The following MUC17 variants were observed in gnomAD, a reference collection of about 807,000 sequenced individuals.
MUC17 encodes mucin 17, cell surface associated.
Under a neutral mutation model 170.3 loss-of-function variants are expected in MUC17, and 190 were observed. That is an observed-to-expected ratio of 1.12 (90% confidence interval 0.99 to 1.26). MUC17 has a LOEUF of 1.26. MUC17 is among the 50% of genes most tolerant of loss of function. The pLI is 0.00. For missense variants in MUC17, 6,415 were observed against 5,530.0 expected (o/e 1.16, Z -5.08); for synonymous variants, 2,325 against 2,002.5 (o/e 1.16, Z -4.30).
chr7:101,025,339 G>A (rs1281543417), intron 1 of MUC17, among the ~76,000 whole-genome samples: 1 of 151,472 alleles, frequency 6.6e-6, no homozygotes, highest in Non-Finnish European at 1.5e-5. Context: ...ATCCAGCCTG[G>A]GTGACAGAGG....
At position 101,037,562 on chromosome 7, in the gene MUC17, T is replaced by C; in HGVS notation, c.6146T>C (p.Met2049Thr). The C allele has an allele frequency of 6.2e-7, 1 of 1,613,946 alleles. No homozygotes were observed. Among genetic ancestry groups the C allele is most frequent in the Non-Finnish European group, 8.5e-7 (1 of 1,179,904 alleles). ...GAACGGACCACTCCATTAGCAGGTA[T>C]GCCTGTCAGCACTACGCTTGTGGTC... is the stretch of plus-strand genomic sequence containing the variant. The part of the protein sequence containing the change: ...PSERTTPLAG[M>T]PVSTTLVVSS... Residue 2049 changes from methionine (M) to threonine (T), a missense_variant, in exon 3 of 13, where the codon ATG becomes ACG. Coordinates refer to ENST00000306151, the MANE Select transcript of MUC17 (RefSeq NM_001040105.2).
At position 101,039,639 on chromosome 7, in the gene MUC17, G is replaced by T. The variant is rs1584868400; in HGVS notation, c.8223G>T (p.Met2741Ile). The T allele has an allele frequency of 6.2e-7, 1 of 1,612,024 alleles. No individual in the cohort carries two copies. The highest frequency in any genetic ancestry group is 2.2e-5 in the East Asian group (1 of 44,752). Residue 2741 changes from methionine (M) to isoleucine (I), a missense_variant, in exon 3 of 13, where the codon ATG becomes ATT. Physicochemically the swap from Met to Ile is conservative, Grantham distance 10 (BLOSUM62 1). Coordinates refer to ENST00000306151, the MANE Select transcript of MUC17 (RefSeq NM_001040105.2). Reference sequence around the variant, plus strand: ...CTACAACTGCTGAAGGTACCAGCATGCGAATCTCAACTCCTAGTGATGGAA... The same window carrying T: ...CTACAACTGCTGAAGGTACCAGCATTCGAATCTCAACTCCTAGTGATGGAA... ...SSPTTAEGTSMRISTPSDGST... is the reference protein window; with the variant it reads ...SSPTTAEGTSIRISTPSDGST...
rs567771570 is a variant in MUC17, at chr7:101,033,266, C to A, written c.1850C>A (p.Thr617Asn). The A allele has an allele frequency of 3.7e-6, 6 of 1,612,298 alleles. No homozygotes were observed. The East Asian group carries it at 1.3e-4, about 36-fold the overall frequency. ...ASSSSTTAEG[T>N]SMPTSTYSER... ...TCATCTTCTACAACTGCTGAAGGTA[C>A]CAGCATGCCAACCTCAACTTACAGT... Residue 617 changes from threonine (T) to asparagine (N), a missense_variant, in exon 3 of 13, where the codon ACC becomes AAC. Transcript: ENST00000306151.
At position 101,050,615 on chromosome 7, in the gene MUC17, T is replaced by C. The variant is rs1240060553; in HGVS notation, c.12854T>C (p.Met4285Thr). Residue 4285 changes from methionine (M) to threonine (T), a missense_variant, in exon 7 of 13, where the codon ATG (methionine) becomes ACG (threonine). Physicochemically the swap from Met to Thr is moderately conservative, Grantham distance 81 (BLOSUM62 -1). Coordinates refer to ENST00000306151, the MANE Select transcript of MUC17 (RefSeq NM_001040105.2). ...ACAAAAGTGACCACACAGCAAATAA[T>C]GATTAATGATATTTGCTCAGGTGAA... ...KITKVTTQQI[M>T]INDICSDMMC... The C allele has an allele frequency of 6.2e-7, 1 of 1,613,870 alleles. No individual in the cohort carries two copies. The highest frequency in any genetic ancestry group is 1.1e-5 in the South Asian group (1 of 91,056).
Position 101,034,042 on chromosome 7 carries a change from C to T in MUC17, c.2626C>T (p.Leu876=). The change falls in exon 3 of 13, where the codon CTG becomes TTG. Residue 876 remains leucine, a synonymous_variant. Coordinates refer to ENST00000306151, the MANE Select transcript of MUC17 (RefSeq NM_001040105.2). ...AACAAGTATGCCTGTCAGCACCACA[C>T]TGGTGGCCACTTCTGCAATCAGCAC... ...PLTSMPVSTT[L]VATSAISTLS... is the part of the protein sequence containing the mutation. The T allele has an allele frequency of 6.2e-7, 1 of 1,601,350 alleles. No individual in the cohort carries two copies. The highest frequency in any genetic ancestry group is 8.5e-7 in the Non-Finnish European group (1 of 1,173,024).
intron 12 of MUC17, 63 bp from the exon 13 acceptor site, chr7:101,057,940 T>C: frequency 1.4e-6 from 2 of 1,437,362 alleles, no homozygotes; most frequent in South Asian, 2.3e-5. Flanking sequence ...ATCCTCCTTA[T>C]GCTTCCAGAA....
Position 101,037,755 on chromosome 7 carries a change from G to A in MUC17, c.6339G>A (p.Pro2113=), listed in dbSNP as rs151335011. ...CAAGTATACCTCTCAGCACCACGCCGGTGGCCAGTCCTGAGGCTAGCACCC... is the reference window on the plus strand; with the variant it reads ...CAAGTATACCTCTCAGCACCACGCCAGTGGCCAGTCCTGAGGCTAGCACCC... The part of the protein sequence containing the change: ...LLTSIPLSTT[P]VASPEASTLS... The change falls in exon 3 of 13, where the codon CCG becomes CCA. Residue 2113 remains proline, a synonymous_variant. Coordinates refer to ENST00000306151, the MANE Select transcript of MUC17 (RefSeq NM_001040105.2). 6.3e-4 allele frequency: 1,018 copies of A among 1,613,448 alleles called. 8 individuals are homozygous for A. In the African/African-American group the frequency reaches 0.011, roughly 18 times the overall value.
intron 1 of MUC17, among the ~76,000 whole-genome samples, chr7:101,021,469 T>A (rs1246081886): frequency 6.6e-6 from 1 of 152,086 alleles, no homozygotes; most frequent in Non-Finnish European, 1.5e-5. Flanking sequence ...ATTACAGGGG[T>A]GAGCCACCGC....
rs1795075710 is a variant in MUC17, at chr7:101,057,887, T to A, written c.13441-116T>A. Reference sequence around the variant, plus strand: ...AGAGTAAGACCCTGTCTCAAAAAAATAATAAAAAATAAAAATAATTAAACA... The same window carrying A: ...AGAGTAAGACCCTGTCTCAAAAAAAAAATAAAAAATAAAAATAATTAAACA... On this transcript the variant is annotated intron_variant, in intron 12 of 12. Transcript: ENST00000306151. 5.7e-6 allele frequency: 5 copies of A among 876,796 alleles called. No homozygotes were observed. In the Admixed American group the frequency reaches 1.4e-4, roughly 25 times the overall value. 54.3% of individuals were successfully genotyped at this position (876,796 alleles called of 1,614,324 possible). A position where few individuals can be genotyped will look rare whatever the true frequency, so the allele number is the denominator to read the frequency against.
Position 101,033,583 on chromosome 7 carries a change from A to G in MUC17, c.2167A>G (p.Thr723Ala), listed in dbSNP as rs1465734380. 3.7e-6 allele frequency: 6 copies of G among 1,613,694 alleles called. No individual in the cohort carries two copies. Among genetic ancestry groups the G allele is most frequent in the Middle Eastern group, 1.6e-4 (1 of 6,082 alleles). The change falls in exon 3 of 13, where the codon ACT becomes GCT. Residue 723 changes from threonine to alanine, a missense_variant. By Grantham distance (58) the Thr-to-Ala change is moderately conservative. Transcript: ENST00000306151. ...VDTSTPVTTSTEASSSPTTAD... is the reference protein window; with the variant it reads ...VDTSTPVTTSAEASSSPTTAD... ...CACCAGCACACCTGTGACCACTTCA[A>G]CTGAAGCCAGTTCCTCTCCTACAAC... is the stretch of plus-strand genomic sequence containing the variant.
rs766113880 is a variant in MUC17, at chr7:101,039,087, A to T, written c.7671A>T (p.Thr2557=). ...VTSTEISSSA[T]SAEGTSMPTS... The stretch of plus-strand genomic sequence containing the variant: ...CTACTGAAATCAGTTCATCTGCTAC[A>T]TCCGCTGAAGGTACCAGCATGCCTA... Residue 2557 remains threonine (T), a synonymous_variant, in exon 3 of 13, where the codon ACA becomes ACT. Transcript: ENST00000306151. 3 of 1,613,270 alleles carry T rather than the reference A, an allele frequency of 1.9e-6. No individual in the cohort carries two copies. The highest frequency in any genetic ancestry group is 1.7e-6 in the Non-Finnish European group (2 of 1,179,824).
chr7:101,042,429 A>T lies in MUC17; in HGVS notation c.11013A>T (p.Gln3671His). 10 of 1,614,008 alleles carry T rather than the reference A, an allele frequency of 6.2e-6. No individual in the cohort carries two copies. The highest frequency in any genetic ancestry group is 8.5e-6 in the Non-Finnish European group (10 of 1,179,966). Residue 3671 changes from glutamine to histidine, a missense_variant, in exon 3 of 13, where the codon CAA (glutamine) becomes CAT (histidine). By Grantham distance (24) the Gln-to-His change is conservative. Coordinates refer to ENST00000306151, the MANE Select transcript of MUC17 (RefSeq NM_001040105.2). Reference protein sequence around the residue: ...DTSTPVITSTQVSSSPVTPEG... With the variant: ...DTSTPVITSTHVSSSPVTPEG... ...GCACACCTGTGATCACTTCTACCCAAGTCAGTTCATCTCCTGTGACTCCTG... is the reference window on the plus strand; with the variant it reads ...GCACACCTGTGATCACTTCTACCCATGTCAGTTCATCTCCTGTGACTCCTG...
Position 101,040,660 on chromosome 7 carries a change from G to C in MUC17, c.9244G>C (p.Glu3082Gln). ...DSNSPVVTST[E>Q]VSSSPTPAEG... Reference sequence around the variant, plus strand: ...CAACAGTCCTGTGGTCACTTCTACTGAAGTCAGTTCATCTCCTACACCTGC... The same window carrying C: ...CAACAGTCCTGTGGTCACTTCTACTCAAGTCAGTTCATCTCCTACACCTGC... The change falls in exon 3 of 13, where the codon GAA becomes CAA. Residue 3082 changes from glutamate to glutamine, a missense_variant. By Grantham distance (29) the Glu-to-Gln change is conservative (BLOSUM62 2). Transcript: ENST00000306151. The C allele has an allele frequency of 1.9e-6, 3 of 1,612,852 alleles. No individual in the cohort carries two copies. Among genetic ancestry groups the C allele is most frequent in the Non-Finnish European group, 2.5e-6 (3 of 1,179,484 alleles).
At position 101,050,533 on chromosome 7, in the gene MUC17, A is replaced by G. The variant is rs916556977; in HGVS notation, c.12772A>G (p.Thr4258Ala). ...EHDVLLRTKY[T>A]PEYKTVLDNA... ...TGACGTCCTCCTAAGAACCAAGTAC[A>G]CACCAGAATACAAGACAGTATTGGA... The change falls in exon 7 of 13, where the codon ACA (threonine) becomes GCA (alanine). Residue 4258 changes from threonine (T) to alanine (A), a missense_variant. By Grantham distance (58) the Thr-to-Ala change is moderately conservative. Transcript: ENST00000306151. 1.2e-6 allele frequency: 2 copies of G among 1,614,114 alleles called. No individual in the cohort carries two copies. Among genetic ancestry groups the G allele is most frequent in the Non-Finnish European group, 1.7e-6 (2 of 1,179,986 alleles).
Position 101,036,940 on chromosome 7 carries a change from T to G in MUC17, c.5524T>G (p.Ser1842Ala), listed in dbSNP as rs1261522744. The G allele has an allele frequency of 6.2e-7, 1 of 1,613,008 alleles. No individual in the cohort carries two copies. Among genetic ancestry groups the G allele is most frequent in the Non-Finnish European group, 8.5e-7 (1 of 1,179,508 alleles). Residue 1842 changes from serine (S) to alanine (A), a missense_variant, in exon 3 of 13, where the codon TCT becomes GCT. Transcript: ENST00000306151. The part of the protein sequence containing the change: ...PVDSNSPVVT[S>A]TAVSSSPTPA... The stretch of plus-strand genomic sequence containing the variant: ...TGACTCTAACAGTCCTGTGGTCACT[T>G]CTACAGCAGTCAGTTCATCTCCTAC...
At position 101,036,890 on chromosome 7, in the gene MUC17, C is replaced by G. The variant is rs777627221; in HGVS notation, c.5474C>G (p.Ala1825Gly). 10 of 1,613,252 alleles carry G rather than the reference C, an allele frequency of 6.2e-6. No homozygotes were observed. In the Admixed American group the frequency reaches 1.5e-4, roughly 24 times the overall value. The change falls in exon 3 of 13, where the codon GCT becomes GGT. Residue 1825 changes from alanine (A) to glycine (G), a missense_variant. Physicochemically the swap from Ala to Gly is moderately conservative, Grantham distance 60. Transcript: ENST00000306151. ...VSHTLVANSEASTLSTTPVDS... is the reference protein window; with the variant it reads ...VSHTLVANSEGSTLSTTPVDS... ...CACACGCTGGTGGCCAATTCTGAGG[C>G]TAGCACCCTTTCAACAACTCCTGTT...
chr7:101,033,619 G>A lies in MUC17; in HGVS notation c.2203G>A (p.Ala735Thr), dbSNP rs71557221. The A allele has an allele frequency of 2.0e-4, 320 of 1,572,540 alleles. 1 individual carries two copies. In the African/African-American group the frequency reaches 4.1e-3, roughly 20 times the overall value. The change falls in exon 3 of 13, where the codon GCC becomes ACC. Residue 735 changes from alanine to threonine, a missense_variant. Ala to Thr is a moderately conservative substitution (Grantham distance 58). Transcript: ENST00000306151. ...TTCCTCTCCTACAACTGCTGATGGTGCCAGTATGCCAACCTCAACTCCTAG... is the reference window on the plus strand; with the variant it reads ...TTCCTCTCCTACAACTGCTGATGGTACCAGTATGCCAACCTCAACTCCTAG... ...ASSSPTTADG[A>T]SMPTSTPSEG...
rs1205378566 is a variant in MUC17 at position 101,049,326 on chromosome 7, G to A, written c.12666G>A (p.Met4222Ile). 16 of 1,614,014 alleles carry A rather than the reference G, an allele frequency of 9.9e-6. No homozygotes were observed. The highest frequency in any genetic ancestry group is 1.2e-5 in the Non-Finnish European group (14 of 1,180,032). ...QEFKQTFTEQ[M>I]NIVYSGIPEY... ...CACAGTGGCCCCTTGCCTTTCAGATGAATATTGTGTATTCCGGGATCCCTG... is the reference window on the plus strand; with the variant it reads ...CACAGTGGCCCCTTGCCTTTCAGATAAATATTGTGTATTCCGGGATCCCTG... The change falls in exon 6 of 13, where the codon ATG becomes ATA. Residue 4222 changes from methionine to isoleucine, a missense_variant and splice_region_variant. Coordinates refer to ENST00000306151, the MANE Select transcript of MUC17 (RefSeq NM_001040105.2).
intron 1 of MUC17, among the ~76,000 whole-genome samples, chr7:101,023,933 G>A (rs1382198835): frequency 6.6e-6 from 1 of 151,754 alleles, no homozygotes; most frequent in Non-Finnish European, 1.5e-5. Flanking sequence ...ACTGTGACTG[G>A]GATATATTCT....
Sources: allele counts gnomAD v4.1 joint callset (sites outside exome capture counted in the v4.1 genomes callset), GRCh38; gene constraint gnomAD v4.1.1; transcripts MANE v1.5; gene names NCBI Gene and HGNC (gene_info 2026-07-23, HGNC 2026-07-21).